WDR41: variants seen among roughly 807,000 people sequenced by gnomAD.
WDR41 encodes the protein WD repeat-containing protein 41.
Under a neutral mutation model 69.3 loss-of-function variants are expected in WDR41, and 63 were observed. That is an observed-to-expected ratio of 0.91 (90% CI 0.74 to 1.12). WDR41 has a LOEUF of 1.12. Ranked by LOEUF, WDR41 falls within the 50% of genes most tolerant of loss-of-function variation. The probability of loss-of-function intolerance (pLI) is 0.00; values close to 1 mark genes in which losing one functional copy is unlikely to be tolerated. For synonymous variants in WDR41, 185 were observed against 192.1 expected, an observed-to-expected ratio of 0.96 and a Z score of 0.31; for missense variants, 543 against 534.5, an observed-to-expected ratio of 1.02 and a Z score of -0.16.
intron 2 of WDR41, among the ~76,000 whole-genome samples, chr5:77,487,676 C>T (rs1801580272): frequency 6.6e-6 from 1 of 152,126 alleles, no homozygotes; most frequent in Non-Finnish European, 1.5e-5. Flanking sequence ...CCTTGGACCA[C>T]ACCTAAGTTT....
intron 8 of WDR41, 39 bp downstream of exon 8, chr5:77,449,721 C>T (rs1226270843): frequency 6.9e-7 from 1 of 1,442,686 alleles, no homozygotes; most frequent in African/African-American, 1.4e-5. Flanking sequence ...TGTTAACAAG[C>T]ACAAAACTGT....
At chr5:77,558,764 C>A (rs980112896) in intron 1 of WDR41, among the ~76,000 whole-genome samples, 5 of 152,192 alleles carry the variant, frequency 3.3e-5, no homozygotes, top group Non-Finnish European at 5.9e-5. Context: ...CATTGTTTGG[C>A]AGTCTCTTAA....
chr5:77,568,687 C>T (rs964399429), intron 1 of WDR41, among the ~76,000 whole-genome samples: 2 of 152,010 alleles, frequency 1.3e-5, no homozygotes, highest in African/African-American at 4.8e-5. Flanking sequence ...CTCTAAGATG[C>T]CATGGAAACA....
At chr5:77,504,082 C>T (rs2112159223) in intron 1 of WDR41, among the ~76,000 whole-genome samples, 1 of 151,964 alleles carries the variant, frequency 6.6e-6, no homozygotes, top group East Asian at 1.9e-4. Context: ...ATCAGTGAAT[C>T]CAGGAGCTGG....
intron 1 of WDR41, among the ~76,000 whole-genome samples, chr5:77,596,881 G>A (rs997335439): frequency 2.0e-5 from 3 of 152,106 alleles, no homozygotes; most frequent in African/African-American, 7.2e-5. Context: ...TTGGGAGGGA[G>A]GTTAAGGGGG....
chr5:77,614,321 A>T (rs1333550174), intron 1 of WDR41, among the ~76,000 whole-genome samples: 1 of 151,906 alleles, frequency 6.6e-6, no homozygotes, highest in Non-Finnish European at 1.5e-5. Flanking sequence ...ACTATAAATC[A>T]TGCCGCTATA....
intron 8 of WDR41, among the ~76,000 whole-genome samples, chr5:77,447,771 GA>G (rs1408324422): frequency 1.3e-5 from 2 of 152,134 alleles, no homozygotes; most frequent in Non-Finnish European, 2.9e-5. Flanking sequence ...CTGTTGTGGG[GA>G]AGGGGAGGAA....
At chr5:77,559,112 C>T (rs77475339) in intron 1 of WDR41, among the ~76,000 whole-genome samples, 6,333 of 152,124 alleles carry the variant, frequency 0.042, 275 homozygotes, top group South Asian at 0.21. Flanking sequence ...GACAGTGGTA[C>T]GCTGGTAAAT....
At chr5:77,532,439 T>G (rs190264592) in intron 1 of WDR41, among the ~76,000 whole-genome samples, 1 of 152,268 alleles carries the variant, frequency 6.6e-6, no homozygotes, top group Admixed American at 6.5e-5. Flanking sequence ...CCAGCAATCC[T>G]TCTTGTAGGT....
At chr5:77,576,548 C>T (rs191670316) in intron 1 of WDR41, among the ~76,000 whole-genome samples, 1 of 152,168 alleles carries the variant, frequency 6.6e-6, no homozygotes, top group Non-Finnish European at 1.5e-5. Context: ...TTATTCTGTT[C>T]TCTGTTCCCC....
At chr5:77,615,279 G>T (rs1744657184) in intron 1 of WDR41, among the ~76,000 whole-genome samples, 1 of 152,032 alleles carries the variant, frequency 6.6e-6, no homozygotes, top group Non-Finnish European at 1.5e-5. Context: ...ATTTGGTTAT[G>T]GATTAAATAC....
intron 1 of WDR41, among the ~76,000 whole-genome samples, chr5:77,576,929 C>T (rs1743845929): frequency 6.6e-6 from 1 of 152,080 alleles, no homozygotes; most frequent in African/African-American, 2.4e-5. Flanking sequence ...ATGAACTCCA[C>T]ATAGCATAAT....
intron 1 of WDR41, among the ~76,000 whole-genome samples, chr5:77,572,873 T>C (rs987582242): frequency 1.3e-5 from 2 of 152,246 alleles, no homozygotes; most frequent in African/African-American, 4.8e-5. Flanking sequence ...GATCAGTCTA[T>C]CTTTCATTAG....
rs1382891257 is a variant in WDR41 at position 77,438,338 on chromosome 5, C to T, written c.906G>A (p.Arg302=). 4 of 1,613,844 alleles carry T rather than the reference C, an allele frequency of 2.5e-6. No individual in the cohort carries two copies. The East Asian group carries it at 8.9e-5, about 36-fold the overall frequency. Residue 302 remains arginine, a synonymous_variant, in exon 10 of 13, where the codon AGG becomes AGA. Transcript: ENST00000296679. ...DEENVFAAVG[R]GLYVYSLQMK... ...TTTGAAGGCTATACACGTATAAACC[C>T]CTTCCAACTGCAGCAAATACATTCT...
chr5:77,580,366 A>G (rs531251677), intron 1 of WDR41, among the ~76,000 whole-genome samples: 9 of 152,278 alleles, frequency 5.9e-5, no homozygotes, highest in Admixed American at 4.6e-4. Context: ...TAAAACCATC[A>G]GATTTCATAC....
intron 12 of WDR41, among the ~76,000 whole-genome samples, chr5:77,434,891 T>G (rs990615416): frequency 3.3e-5 from 5 of 149,478 alleles, no homozygotes; most frequent in Non-Finnish European, 7.4e-5. Flanking sequence ...GTCTTTTACA[T>G]GGGGTTTTCC....
rs1278267398 is a variant in WDR41 at position 77,465,622 on chromosome 5, AT to A, written c.168-814del. ...AATCACATCATAAGCATGTCAAATA[AT>A]TTACTGTTAATGTCATCCACAAGTT... On this transcript the variant is annotated intron_variant, in intron 2 of 12. Transcript: ENST00000296679. Among the ~76,000 whole-genome samples the A allele has an allele frequency of 4.6e-5, 7 of 152,158 alleles. No homozygotes were observed. In the East Asian group the frequency reaches 1.3e-3, roughly 29 times the overall value.
chr5:77,516,074 G>A (rs144215182), intron 1 of WDR41, among the ~76,000 whole-genome samples: 2,095 of 152,238 alleles, frequency 0.014, 20 homozygotes, highest in Non-Finnish European at 0.02. Flanking sequence ...ATGGCTCTTG[G>A]TACGTAGTTC....
At chr5:77,565,366 AC>A (rs1337294799) in intron 1 of WDR41, among the ~76,000 whole-genome samples, 1 of 152,028 alleles carries the variant, frequency 6.6e-6, no homozygotes, top group Non-Finnish European at 1.5e-5. Flanking sequence ...AGTCTCCATA[AC>A]CTAGCCCCAC....
Sources: allele counts gnomAD v4.1 joint callset (sites outside exome capture counted in the v4.1 genomes callset), GRCh38; gene constraint gnomAD v4.1.1; transcripts MANE v1.5; gene names NCBI Gene and HGNC (gene_info 2026-07-23, HGNC 2026-07-21).